CRB1: variants seen among roughly 807,000 people sequenced by gnomAD.
CRB1 encodes crumbs cell polarity complex component 1.
A neutral mutation model predicts 120.0 loss-of-function variants in CRB1; 83 were observed. The ratio of observed to expected loss-of-function variants is 0.69; its 90% CI spans 0.58 to 0.83. CRB1 has a LOEUF of 0.83. Among genes scored for constraint, CRB1 ranks in the 40% least tolerant of loss-of-function variants. The pLI, the probability that CRB1 is intolerant of heterozygous loss-of-function variation, is 0.00. For missense variants in CRB1, 1,699 were observed against 1,687.6 expected (o/e 1.01, Z -0.12); for synonymous variants, 625 against 612.5 (o/e 1.02, Z -0.30).
chr1:197,354,825 ACCC>A lies in CRB1; in HGVS notation c.989-1996_989-1994del, dbSNP rs1558076296. Among the ~76,000 whole-genome samples, 14 of 14,220 alleles carry A rather than the reference ACCC, an allele frequency of 9.8e-4. 1 individual carries two copies. The highest frequency in any genetic ancestry group is 4.0e-3 in the African/African-American group (14 of 3,464). 9.3% of individuals were successfully genotyped at this position (14,220 alleles called of 152,430 possible). ...TCCCTTATCTGCCCCCCGCCCCCCC[ACCC>A]CCCCCCCCCGCCCACCCCCCCCCCC... On this transcript the variant is annotated intron_variant, in intron 4 of 11. Coordinates refer to ENST00000367400, the MANE Select transcript of CRB1 (RefSeq NM_201253.3).
At chr1:197,268,549 A>G (rs1654729355) in intron 1 of CRB1, 67 bp downstream of exon 1, 8 of 1,173,396 alleles carry the variant, frequency 6.8e-6, no homozygotes, top group African/African-American at 1.5e-5. Flanking sequence ...CTTACAAATA[A>G]TGGATAATGT....
intron 1 of CRB1, among the ~76,000 whole-genome samples, 186 bp from the exon 2 acceptor site, chr1:197,328,236 T>C (rs532723434): frequency 9.2e-5 from 14 of 152,334 alleles, no homozygotes; most frequent in African/African-American, 3.4e-4. Flanking sequence ...TATTGCATTG[T>C]TCACTGAAAG....
chr1:197,243,636 A>G, the CRB1 span, among the ~76,000 whole-genome samples: 1 of 151,998 alleles, frequency 6.6e-6, no homozygotes, highest in Non-Finnish European at 1.5e-5. Flanking sequence ...GTGGTGGGAA[A>G]AATGTATATT....
chr1:197,216,253 G>A, the CRB1 span, among the ~76,000 whole-genome samples: 2 of 152,056 alleles, frequency 1.3e-5, no homozygotes, highest in Non-Finnish European at 2.9e-5. Flanking sequence ...TCCCTCTTTT[G>A]TTTGCTCTCA....
intron 1 of CRB1, among the ~76,000 whole-genome samples, chr1:197,315,193 C>CT (rs902293434): frequency 4.0e-5 from 6 of 151,272 alleles, no homozygotes; most frequent in African/African-American, 7.3e-5. Context: ...TATTTCCTAC[C>CT]TTTTTTTTTA....
chr1:197,216,053 T>C, the CRB1 span, among the ~76,000 whole-genome samples: 1 of 152,198 alleles, frequency 6.6e-6, no homozygotes, highest in Non-Finnish European at 1.5e-5. Flanking sequence ...TTTCTTAAAC[T>C]TAACAGCATG....
At chr1:197,429,141 C>T in intron 7 of CRB1, 1 of 1,531,582 alleles carries the variant, frequency 6.5e-7, no homozygotes, top group Non-Finnish European at 8.7e-7. Flanking sequence ...ATAATTAGTG[C>T]ATGTGAAAAA....
At chr1:197,246,805 G>C in the CRB1 span, among the ~76,000 whole-genome samples, 1 of 152,034 alleles carries the variant, frequency 6.6e-6, no homozygotes, top group Non-Finnish European at 1.5e-5. Context: ...GTGCTACAAT[G>C]TCTGAGGTTG....
chr1:197,405,767 C>T (rs191544832), intron 5 of CRB1, among the ~76,000 whole-genome samples: 1 of 151,878 alleles, frequency 6.6e-6, no homozygotes, highest in Non-Finnish European at 1.5e-5. Flanking sequence ...CTGGCAACCG[C>T]CCCATCTGAG....
At chr1:197,410,791 A>G (rs1923763) in intron 5 of CRB1, among the ~76,000 whole-genome samples, 10,442 of 152,262 alleles carry the variant, frequency 0.069, 1,260 homozygotes, top group African/African-American at 0.24. Context: ...GAAATACATA[A>G]CATACCTTTT....
chr1:197,377,332 A>G (rs1003596408), intron 5 of CRB1, among the ~76,000 whole-genome samples: 1 of 152,168 alleles, frequency 6.6e-6, no homozygotes, highest in Non-Finnish European at 1.5e-5. Flanking sequence ...TGCCTAGCCC[A>G]TAACAGGAGG....
chr1:197,382,086 G>A (rs937785428), intron 5 of CRB1, among the ~76,000 whole-genome samples: 2 of 152,142 alleles, frequency 1.3e-5, no homozygotes, highest in African/African-American at 4.8e-5. Flanking sequence ...ACGGGGAGTA[G>A]GGACTGTGGA....
intron 1 of CRB1, among the ~76,000 whole-genome samples, chr1:197,288,723 A>G (rs568704906): frequency 6.6e-6 from 1 of 152,006 alleles, no homozygotes; most frequent in Admixed American, 6.6e-5. Flanking sequence ...GACAAATTAG[A>G]CGTTGAAGGG....
intron 5 of CRB1, among the ~76,000 whole-genome samples, chr1:197,390,935 G>T (rs915878769): frequency 1.3e-4 from 19 of 151,998 alleles, no homozygotes; most frequent in African/African-American, 4.3e-4. Flanking sequence ...CTTATGCATT[G>T]TAGCTTCATA....
the CRB1 span, among the ~76,000 whole-genome samples, chr1:197,250,505 GTCTT>G: frequency 6.6e-6 from 1 of 151,704 alleles, no homozygotes; most frequent in African/African-American, 2.4e-5. Context: ...TATTAATGTC[GTCTT>G]TCTGAGATTT....
chr1:197,255,078 CT>C, the CRB1 span, among the ~76,000 whole-genome samples: 5 of 152,016 alleles, frequency 3.3e-5, no homozygotes, highest in African/African-American at 1.2e-4. Flanking sequence ...TCATTTCCTC[CT>C]TTTGGTTGCC....
intron 6 of CRB1, among the ~76,000 whole-genome samples, chr1:197,426,538 C>T (rs1287628330): frequency 6.6e-6 from 1 of 152,114 alleles, no homozygotes; most frequent in Non-Finnish European, 1.5e-5. Context: ...TACTATGTCA[C>T]CCATATTTTA....
chr1:197,424,402 T>A (rs1038493871), intron 6 of CRB1, among the ~76,000 whole-genome samples: 1 of 152,140 alleles, frequency 6.6e-6, no homozygotes, highest in Non-Finnish European at 1.5e-5. Flanking sequence ...AAGAAAAGTA[T>A]CTCGAGCCAT....
At chr1:197,466,342 G>A (rs1461770161) in intron 11 of CRB1, among the ~76,000 whole-genome samples, 1 of 152,176 alleles carries the variant, frequency 6.6e-6, no homozygotes, top group African/African-American at 2.4e-5. Context: ...GAAAATTAAA[G>A]TACATGTGCT....
Sources: gnomAD v4.1 joint callset for allele counts (sites outside exome capture counted in the v4.1 genomes callset) on GRCh38, gnomAD v4.1.1 for gene constraint, MANE v1.5 for transcripts, NCBI Gene and HGNC (gene_info 2026-07-23, HGNC 2026-07-21) for gene names.